The following PCDH15 variants were observed in gnomAD, a reference collection of about 807,000 sequenced individuals.
The protein encoded by PCDH15 is protocadherin-15.
Under a neutral mutation model 178.5 loss-of-function variants are expected in PCDH15, and 129 were observed. That is an observed-to-expected ratio of 0.72 (90% confidence interval 0.63 to 0.84). PCDH15 has a LOEUF of 0.84. Ranked by LOEUF, PCDH15 falls within the 40% of genes least tolerant of loss-of-function variation. The pLI is 0.00. For missense variants in PCDH15, 2,230 were observed against 2,099.9 expected (o/e 1.06, Z -1.21); for synonymous variants, 800 against 732.0 (o/e 1.09, Z -1.50).
chr10:54,524,423 G>C (rs2083184817), intron 3 of PCDH15, among the ~76,000 whole-genome samples: 1 of 152,174 alleles, frequency 6.6e-6, no homozygotes, highest in Non-Finnish European at 1.5e-5. Flanking sequence ...CACTTCGGCA[G>C]ATTCTGAGAA....
chr10:54,993,208 T>C (rs1839548249), intron 2 of PCDH15, among the ~76,000 whole-genome samples: 1 of 152,060 alleles, frequency 6.6e-6, no homozygotes, highest in Non-Finnish European at 1.5e-5. Context: ...TTCAAAGAAA[T>C]TTTCAGGCTA....
Position 53,866,651 on chromosome 10 carries a change from G to A in PCDH15, c.3708C>T (p.Ala1236=), listed in dbSNP as rs374185988. ...DDYGKGLSGK[A]DVLVSVVNQL... ...AGTTTTATCTACTTACGAGTACATC[G>A]GCTTTGCCGCTCAGTCCCTTCCCAT... The change falls in exon 27 of 38, where the codon GCC becomes GCT. Residue 1236 remains alanine, a synonymous_variant. Transcript: ENST00000644397. 20 of 1,612,952 alleles carry A rather than the reference G, an allele frequency of 1.2e-5. No homozygotes were observed. Among genetic ancestry groups the A allele is most frequent in the East Asian group, 6.7e-5 (3 of 44,848 alleles).
chr10:54,956,713 T>G (rs965728354), intron 2 of PCDH15, among the ~76,000 whole-genome samples: 1 of 151,664 alleles, frequency 6.6e-6, no homozygotes, highest in African/African-American at 2.4e-5. Flanking sequence ...TATTTAGTAG[T>G]AATACTTAAC....
At chr10:55,001,796 A>C (rs1010738127) in intron 2 of PCDH15, among the ~76,000 whole-genome samples, 1 of 152,196 alleles carries the variant, frequency 6.6e-6, no homozygotes, top group Admixed American at 6.5e-5. Context: ...TCAGGCAAAG[A>C]TGCCACCAGC....
intron 26 of PCDH15, among the ~76,000 whole-genome samples, chr10:53,876,249 A>G (rs1482305916): frequency 1.4e-5 from 2 of 148,106 alleles, no homozygotes; most frequent in African/African-American, 5.0e-5. Context: ...GTGCAGTGGC[A>G]TGATCTCAGC....
intron 37 of PCDH15, chr10:53,808,545 T>A: frequency 6.9e-7 from 1 of 1,439,902 alleles, no homozygotes; most frequent in Non-Finnish European, 9.1e-7. Context: ...ACATATATAT[T>A]CACTTTTCTG....
intron 2 of PCDH15, among the ~76,000 whole-genome samples, chr10:55,052,671 G>A (rs1308085498): frequency 1.3e-5 from 2 of 151,152 alleles, no homozygotes; most frequent in Admixed American, 6.6e-5. Context: ...AGCCGAGATC[G>A]TGCCACTGCA....
At chr10:55,334,990 T>G (rs534617946) in intron 2 of PCDH15, among the ~76,000 whole-genome samples, 1 of 152,316 alleles carries the variant, frequency 6.6e-6, no homozygotes, top group South Asian at 2.1e-4. Flanking sequence ...CTGTTATAAC[T>G]GACTGAAATA....
chr10:53,927,555 C>T (rs969840949), intron 25 of PCDH15, among the ~76,000 whole-genome samples: 4 of 151,838 alleles, frequency 2.6e-5, no homozygotes, highest in South Asian at 2.1e-4. Flanking sequence ...TTTATATAAA[C>T]GATAAATATC....
At chr10:55,449,052 A>G (rs557151346) in intron 2 of PCDH15, among the ~76,000 whole-genome samples, 20 of 152,192 alleles carry the variant, frequency 1.3e-4, no homozygotes, top group South Asian at 8.3e-4. Context: ...TTTGTAATCA[A>G]ATTTATAGAT....
At chr10:53,825,250 C>A in intron 32 of PCDH15, 2 of 1,314,232 alleles carry the variant, frequency 1.5e-6, no homozygotes, top group Non-Finnish European at 2.0e-6. Context: ...TTGCTTTAAA[C>A]AAACACTTAG....
intron 15 of PCDH15, among the ~76,000 whole-genome samples, chr10:54,113,639 G>GACACACACACACAC (rs57193886): frequency 6.7e-6 from 1 of 149,748 alleles, no homozygotes; most frequent in African/African-American, 2.5e-5. Context: ...TCCCAACACA[G>GACACACACACACAC]ACACACACAC....
In PCDH15 at chr10:54,153,090, T is replaced by TA; in HGVS notation, c.1784+9dup. The TA allele has an allele frequency of 6.2e-7, 1 of 1,613,624 alleles. No individual in the cohort carries two copies. Among genetic ancestry groups the TA allele is most frequent in the South Asian group, 1.1e-5 (1 of 91,080 alleles). ...GATGAAAAGACTGCATTGGTTCTAA[T>TA]ATAAATTACCTTCGCTCTGCAGGAG... is the stretch of plus-strand genomic sequence containing the variant. On this transcript the variant is annotated intron_variant, in intron 14 of 37. Transcript: ENST00000644397.
At chr10:54,016,219 T>TA (rs2092735296) in intron 20 of PCDH15, among the ~76,000 whole-genome samples, 3 of 150,832 alleles carry the variant, frequency 2.0e-5, no homozygotes, top group Non-Finnish European at 3.0e-5. Context: ...CACAATGAGA[T>TA]ACCATCTCAC....
chr10:54,586,436 C>T (rs116796845), intron 2 of PCDH15, among the ~76,000 whole-genome samples: 1,965 of 152,144 alleles, frequency 0.013, 44 homozygotes, highest in African/African-American at 0.045. Context: ...TATATACTGG[C>T]TATTTACTAA....
chr10:54,019,999 T>C (rs555458882), intron 20 of PCDH15, among the ~76,000 whole-genome samples, 193 bp downstream of exon 20: 44 of 152,226 alleles, frequency 2.9e-4, no homozygotes, highest in African/African-American at 1.1e-3. Context: ...TTCAAATTTA[T>C]CTTTTATAGT....
At chr10:55,392,442 T>C (rs1056231844) in intron 2 of PCDH15, among the ~76,000 whole-genome samples, 6 of 152,190 alleles carry the variant, frequency 3.9e-5, no homozygotes, top group Non-Finnish European at 8.8e-5. Context: ...ATTTCCTTAG[T>C]TTATACCTAA....
At chr10:55,538,885 CCTTCCTTTCCTT>C (rs2132073565) in intron 2 of PCDH15, among the ~76,000 whole-genome samples, 1 of 45,148 alleles carries the variant, frequency 2.2e-5, no homozygotes, top group African/African-American at 1.3e-4. Flanking sequence ...TTCCTCCCTT[CCTTCCTTTCCTT>C]CCTTCCTTCC....
intron 18 of PCDH15, among the ~76,000 whole-genome samples, chr10:54,042,488 T>C (rs1267705861): frequency 6.6e-6 from 1 of 152,086 alleles, no homozygotes; most frequent in Non-Finnish European, 1.5e-5. Context: ...TTGCAAAAGA[T>C]GTCTTTTTGA....
Sources: gnomAD v4.1 joint callset for allele counts (sites outside exome capture counted in the v4.1 genomes callset) on GRCh38, gnomAD v4.1.1 for gene constraint, MANE v1.5 for transcripts, NCBI Gene and HGNC (gene_info 2026-07-23, HGNC 2026-07-21) for gene names.